TRMT11: variants seen among roughly 807,000 people sequenced by gnomAD.
TRMT11 encodes the protein tRNA (guanine(10)-N(2))-methyltransferase TRMT11.
Under a neutral mutation model 62.8 loss-of-function variants are expected in TRMT11, and 53 were observed. The observed-to-expected ratio is 0.84, with a 90% confidence interval of 0.68 to 1.06. The LOEUF (loss-of-function observed/expected upper bound fraction) is 1.06. Ranked by LOEUF, TRMT11 falls within the 50% of genes least tolerant of loss-of-function variation. The pLI is 0.00. For synonymous variants in TRMT11, 188 were observed against 190.3 expected (o/e 0.99, Z 0.10); for missense variants, 556 against 553.4 (o/e 1.00, Z -0.05).
Position 126,168,418 on chromosome 6 carries a change from A to G in TRMT11, c.*1824-6407A>G, listed in dbSNP as rs146618434. Reference sequence around the variant, plus strand: ...TCTCAATATATGGAGCTATAGGAATAAATGCTAGAAGTGAGGCTAAGTTTT... The same window carrying G: ...TCTCAATATATGGAGCTATAGGAATGAATGCTAGAAGTGAGGCTAAGTTTT... On this transcript the variant is annotated intron_variant and NMD_transcript_variant, in intron 21 of 22. Coordinates refer to the TRMT11 transcript ENST00000648977. Among the ~76,000 whole-genome samples, 140 of 152,358 alleles carry G rather than the reference A, an allele frequency of 9.2e-4. 1 individual carries two copies. The Middle Eastern group carries it at 0.01, about 11-fold the overall frequency.
At chr6:126,078,332 G>A (rs531814725) in intron 17 of TRMT11, among the ~76,000 whole-genome samples, 1 of 151,720 alleles carries the variant, frequency 6.6e-6, no homozygotes, top group East Asian at 1.9e-4. Flanking sequence ...GAAAACATTA[G>A]TCATTTATCA....
At chr6:126,036,009 C>T (rs1242254821) in intron 12 of TRMT11, among the ~76,000 whole-genome samples, 1 of 152,102 alleles carries the variant, frequency 6.6e-6, no homozygotes, top group Non-Finnish European at 1.5e-5. Context: ...GTAATTGAGC[C>T]TGGGTCAGCT....
chr6:126,039,916 G>C (rs1361450641), downstream of TRMT11, among the ~76,000 whole-genome samples: 1 of 152,118 alleles, frequency 6.6e-6, no homozygotes, highest in East Asian at 1.9e-4. Flanking sequence ...GAGACATCAG[G>C]CTATCTGCTT....
At chr6:126,205,898 TACACACACACACACAC>T (rs59880424), downstream of TRMT11, among the ~76,000 whole-genome samples, 52 of 143,066 alleles carry the variant, frequency 3.6e-4, 1 homozygote, top group South Asian at 8.9e-3. Context: ...TGTGAGAGGG[TACACACACACACACAC>T]ACACACACAC....
intron 12 of TRMT11, among the ~76,000 whole-genome samples, chr6:126,033,154 A>C (rs1325563042): frequency 2.6e-5 from 4 of 152,180 alleles, no homozygotes; most frequent in Non-Finnish European, 5.9e-5. Context: ...AATTAGGAGG[A>C]TCGTTTTATC....
intron 18 of TRMT11, among the ~76,000 whole-genome samples, chr6:126,113,980 C>T (rs1777560962): frequency 1.3e-5 from 2 of 152,014 alleles, no homozygotes; most frequent in South Asian, 4.1e-4. Context: ...CAGTTCTTTA[C>T]AAAATGTGGG....
At chr6:126,193,763 C>T (rs900778161) in intron 1 of TRMT11, among the ~76,000 whole-genome samples, 5 of 151,790 alleles carry the variant, frequency 3.3e-5, no homozygotes, top group Non-Finnish European at 1.5e-5. Context: ...AAAGTGCTGG[C>T]GTGAGTCACC....
chr6:126,168,501 C>A (rs1462067120), intron 21 of TRMT11, among the ~76,000 whole-genome samples: 1 of 152,148 alleles, frequency 6.6e-6, no homozygotes, highest in Non-Finnish European at 1.5e-5. Flanking sequence ...CACTTTCCCT[C>A]TCCTTGGATG....
downstream of TRMT11, among the ~76,000 whole-genome samples, chr6:126,041,167 T>C (rs1775867310): frequency 6.6e-6 from 1 of 152,138 alleles, no homozygotes. Flanking sequence ...ATGGCAATTA[T>C]AAGTAAAAAC....
the TRMT11 span, among the ~76,000 whole-genome samples, chr6:126,269,449 G>A: frequency 2.6e-5 from 4 of 151,846 alleles, no homozygotes; most frequent in Non-Finnish European, 5.9e-5. Flanking sequence ...CCAGTCAAGT[G>A]GAAAAAATAA....
intron 8 of TRMT11, among the ~76,000 whole-genome samples, chr6:126,010,856 T>A (rs1216632012): frequency 6.6e-6 from 1 of 152,138 alleles, no homozygotes; most frequent in Non-Finnish European, 1.5e-5. Flanking sequence ...TGGTCACAAC[T>A]GCGGCATTTC....
At chr6:126,195,077 T>C (rs956708615) in intron 1 of TRMT11, among the ~76,000 whole-genome samples, 1 of 152,198 alleles carries the variant, frequency 6.6e-6, no homozygotes, top group African/African-American at 2.4e-5. Flanking sequence ...GATTGTACCA[T>C]TGTATTCTAG....
chr6:126,117,311 A>T (rs1777600917), intron 21 of TRMT11, among the ~76,000 whole-genome samples: 1 of 152,076 alleles, frequency 6.6e-6, no homozygotes, highest in African/African-American at 2.4e-5. Flanking sequence ...CTGGATACTG[A>T]GCAACACTGC....
chr6:126,042,256 T>A (rs1040099496), downstream of TRMT11, among the ~76,000 whole-genome samples: 1 of 152,198 alleles, frequency 6.6e-6, no homozygotes, highest in African/African-American at 2.4e-5. Flanking sequence ...ACCTGACCCC[T>A]TTCCCTTAAA....
intron 7 of TRMT11, among the ~76,000 whole-genome samples, chr6:126,003,185 A>T (rs895551044): frequency 3.9e-5 from 6 of 152,136 alleles, no homozygotes; most frequent in Non-Finnish European, 7.4e-5. Flanking sequence ...TCCAACCCGC[A>T]GCCCATGGAC....
At chr6:126,197,845 A>G (rs527925187) in intron 1 of TRMT11, among the ~76,000 whole-genome samples, 1 of 152,272 alleles carries the variant, frequency 6.6e-6, no homozygotes, top group South Asian at 2.1e-4. Flanking sequence ...AGCTGCCCTC[A>G]GCTCTCCCAA....
chr6:125,989,189 C>T (rs1179279528), intron 1 of TRMT11, among the ~76,000 whole-genome samples: 6 of 134,268 alleles, frequency 4.5e-5, no homozygotes, highest in Admixed American at 3.5e-4. Context: ...AGTGCAGTGG[C>T]GCGGTCTCGG....
the TRMT11 span, among the ~76,000 whole-genome samples, chr6:126,251,488 T>A: frequency 1.3e-5 from 2 of 152,188 alleles, no homozygotes; most frequent in Non-Finnish European, 2.9e-5. Flanking sequence ...TGTTTAAAAT[T>A]CACACTTTTA....
chr6:126,115,188 A>G (rs577444232), intron 19 of TRMT11, among the ~76,000 whole-genome samples: 1 of 152,222 alleles, frequency 6.6e-6, no homozygotes, highest in Admixed American at 6.5e-5. Flanking sequence ...CCTTCAAGGC[A>G]GAGGGCTTCC....
Sources: allele counts gnomAD v4.1 joint callset (sites outside exome capture counted in the v4.1 genomes callset), GRCh38; gene constraint gnomAD v4.1.1; transcripts MANE v1.5; gene names NCBI Gene and HGNC (gene_info 2026-07-23, HGNC 2026-07-21).